GYPC: variants seen among roughly 807,000 people sequenced by gnomAD.
GYPC encodes glycophorin-C.
Under a neutral mutation model 12.6 loss-of-function variants are expected in GYPC, and 14 were observed. That is an observed-to-expected ratio of 1.11 (90% CI 0.74 to 1.74). The LOEUF (loss-of-function observed/expected upper bound fraction) is 1.74, where lower values mean the gene tolerates loss of function less well. Among genes scored for constraint, GYPC ranks in the 40% most tolerant of loss-of-function variants. The probability of loss-of-function intolerance (pLI) is 0.00; values close to 1 mark genes in which losing one functional copy is unlikely to be tolerated. For synonymous variants in GYPC, 78 were observed against 62.1 expected (o/e 1.26, Z -1.20); for missense variants, 225 against 172.1 (o/e 1.31, Z -1.72).
chr2:126,691,316 T>C (rs1167931346), intron 2 of GYPC, among the ~76,000 whole-genome samples: 2 of 152,072 alleles, frequency 1.3e-5, no homozygotes, highest in Non-Finnish European at 1.5e-5. Flanking sequence ...TCCTGAGTGA[T>C]CTGACCCCTC....
chr2:126,684,508 AC>A (rs1683233043), intron 1 of GYPC, among the ~76,000 whole-genome samples: 1 of 151,954 alleles, frequency 6.6e-6, no homozygotes, highest in African/African-American at 2.4e-5. Flanking sequence ...GGCATTGCCC[AC>A]CCACTATCTC....
chr2:126,672,836 A>C (rs1437699983), intron 1 of GYPC, among the ~76,000 whole-genome samples: 2 of 151,990 alleles, frequency 1.3e-5, no homozygotes, highest in Admixed American at 1.3e-4. Context: ...CCCCACCCAC[A>C]CTTCCCTGGC....
In GYPC at chr2:126,696,055, G is replaced by A. The variant is rs201041475; in HGVS notation, c.300G>A (p.Glu100=). 6.2e-6 allele frequency: 10 copies of A among 1,614,074 alleles called. No individual in the cohort carries two copies. Among genetic ancestry groups the A allele is most frequent in the Non-Finnish European group, 7.6e-6 (9 of 1,179,984 alleles). The change falls in exon 4 of 4, where the codon GAG becomes GAA. Residue 100 remains glutamate (E), a synonymous_variant. Coordinates refer to ENST00000259254, the MANE Select transcript of GYPC (RefSeq NM_002101.5). ...TYHTNEAKGT[E]FAESADAALQ... is the part of the protein sequence containing the mutation. ...ACACCAATGAGGCCAAGGGCACGGA[G>A]TTTGCTGAGAGTGCAGATGCAGCCC...
intron 1 of GYPC, among the ~76,000 whole-genome samples, chr2:126,665,660 C>G (rs1682658663): frequency 6.6e-6 from 1 of 152,196 alleles, no homozygotes; most frequent in South Asian, 2.1e-4. Context: ...CAAGGGATGC[C>G]GACGCAGGGC....
intron 1 of GYPC, among the ~76,000 whole-genome samples, chr2:126,682,010 C>T (rs865918948): frequency 1.3e-5 from 2 of 152,076 alleles, no homozygotes; most frequent in South Asian, 2.1e-4. Flanking sequence ...CACCCTCACC[C>T]TCCTCAGGGA....
At chr2:126,693,226 G>A (rs1383768823) in intron 2 of GYPC, among the ~76,000 whole-genome samples, 2 of 152,354 alleles carry the variant, frequency 1.3e-5, no homozygotes, top group South Asian at 4.1e-4. Flanking sequence ...TTAGTCACTG[G>A]AGAGCAGGTT....
At chr2:126,659,614 G>A (rs1210529591) in intron 1 of GYPC, among the ~76,000 whole-genome samples, 2 of 152,158 alleles carry the variant, frequency 1.3e-5, no homozygotes, top group Non-Finnish European at 2.9e-5. Context: ...AGCAAACCTG[G>A]CCTGAGGATG....
At chr2:126,674,615 A>G (rs1013673624) in intron 1 of GYPC, among the ~76,000 whole-genome samples, 1 of 152,186 alleles carries the variant, frequency 6.6e-6, no homozygotes, top group Non-Finnish European at 1.5e-5. Context: ...TACTGCTCCC[A>G]TGTGACGGCA....
chr2:126,668,102 A>C (rs531840350), intron 1 of GYPC, among the ~76,000 whole-genome samples: 2 of 152,308 alleles, frequency 1.3e-5, no homozygotes, highest in East Asian at 3.9e-4. Context: ...GAACTTTCAA[A>C]AGAAGGGGTT....
At chr2:126,689,475 G>C (rs2165227) in intron 1 of GYPC, among the ~76,000 whole-genome samples, 88,838 of 150,482 alleles carry the variant, frequency 0.59, 26,734 homozygotes, top group African/African-American at 0.7. Context: ...GTTGAAATTT[G>C]GTTCCCAAGG....
At chr2:126,660,820 C>T (rs1682513367) in intron 1 of GYPC, among the ~76,000 whole-genome samples, 1 of 152,100 alleles carries the variant, frequency 6.6e-6, no homozygotes, top group South Asian at 2.1e-4. Context: ...GAGTCAACCC[C>T]AAACAAATTC....
chr2:126,685,546 A>G (rs1454162145), intron 1 of GYPC, among the ~76,000 whole-genome samples: 1 of 152,046 alleles, frequency 6.6e-6, no homozygotes, highest in Non-Finnish European at 1.5e-5. Context: ...CAGCATGCCC[A>G]ACTAATTTTT....
At chr2:126,677,610 TGAG>T (rs1683041636) in intron 1 of GYPC, among the ~76,000 whole-genome samples, 1 of 151,958 alleles carries the variant, frequency 6.6e-6, no homozygotes, top group South Asian at 2.1e-4. Context: ...CTTAAATATA[TGAG>T]GACAATAAGA....
chr2:126,685,845 C>A, intron 1 of GYPC: 1 of 985,122 alleles, frequency 1.0e-6, no homozygotes, highest in Non-Finnish European at 1.2e-6. Context: ...CCAAGGACCC[C>A]CATGAAACAC....
At chr2:126,689,283 G>A (rs1050317467) in intron 1 of GYPC, among the ~76,000 whole-genome samples, 7 of 152,162 alleles carry the variant, frequency 4.6e-5, no homozygotes, top group Non-Finnish European at 1.0e-4. Context: ...GATACCGGAT[G>A]AGCTGTGTGA....
rs370478696 is a variant in GYPC at position 126,695,539 on chromosome 2, G to T, written c.191-407G>T. ...ACTTATGAGTTCTTGAGTTTGGAAT[G>T]GCGTGAATGCAAAAGCATTCAGTAG... On this transcript the variant is annotated intron_variant, in intron 3 of 3. Transcript: ENST00000259254. Among the ~76,000 whole-genome samples the T allele has an allele frequency of 2.0e-4, 31 of 152,288 alleles. No individual in the cohort carries two copies. The East Asian group carries it at 4.2e-3, about 21-fold the overall frequency.
chr2:126,673,704 GC>G (rs1266591963), intron 1 of GYPC, among the ~76,000 whole-genome samples: 1 of 152,184 alleles, frequency 6.6e-6, no homozygotes, highest in East Asian at 1.9e-4. Context: ...TCAACCAGGT[GC>G]TTTAGGTACC....
intron 1 of GYPC, among the ~76,000 whole-genome samples, chr2:126,666,707 C>CCACACA: frequency 1.0e-5 from 1 of 100,000 alleles, no homozygotes; most frequent in African/African-American, 4.0e-5. Context: ...CCCTCCCTCC[C>CCACACA]TACACACACA....
chr2:126,674,774 C>A (rs901006113), intron 1 of GYPC, among the ~76,000 whole-genome samples: 1 of 152,174 alleles, frequency 6.6e-6, no homozygotes, highest in African/African-American at 2.4e-5. Flanking sequence ...GAGGGGTTCA[C>A]CCCTCCGAAT....
Sources: gnomAD v4.1 joint callset for allele counts (sites outside exome capture counted in the v4.1 genomes callset) on GRCh38, gnomAD v4.1.1 for gene constraint, MANE v1.5 for transcripts, NCBI Gene and HGNC (gene_info 2026-07-23, HGNC 2026-07-21) for gene names.